Variants in NFIB observed in about 807,000 individuals in gnomAD.
NFIB encodes nuclear factor I B.
A neutral mutation model predicts 61.5 loss-of-function variants in NFIB; 11 were observed. That is an observed-to-expected ratio of 0.18 (90% CI 0.11 to 0.30). NFIB has a LOEUF of 0.30. Ranked by LOEUF, NFIB falls within the 10% of genes least tolerant of loss-of-function variation. The pLI is 1.00. For synonymous variants in NFIB, 260 were observed against 216.5 expected, an observed-to-expected ratio of 1.20 and a Z score of -1.76; for missense variants, 471 against 608.9, an observed-to-expected ratio of 0.77 and a Z score of 2.38.
At chr9:14,221,343 A>G (rs1208625230) in intron 2 of NFIB, among the ~76,000 whole-genome samples, 1 of 152,262 alleles carries the variant, frequency 6.6e-6, no homozygotes, top group Non-Finnish European at 1.5e-5. Context: ...CACAGAAATC[A>G]TAAGAACTCT....
chr9:14,220,724 GA>G (rs2131827647), intron 2 of NFIB, among the ~76,000 whole-genome samples: 1 of 151,888 alleles, frequency 6.6e-6, no homozygotes, highest in South Asian at 2.1e-4. Flanking sequence ...TTCCCATTCA[GA>G]AAACCCCCTT....
chr9:14,173,134 A>C (rs937768109), intron 3 of NFIB, among the ~76,000 whole-genome samples: 7 of 152,200 alleles, frequency 4.6e-5, no homozygotes, highest in African/African-American at 1.7e-4. Context: ...AAGTAGAATG[A>C]AAAAACCCCT....
the NFIB span, among the ~76,000 whole-genome samples, chr9:14,473,709 C>T: frequency 2.0e-5 from 3 of 152,218 alleles, no homozygotes; most frequent in Non-Finnish European, 4.4e-5. Flanking sequence ...GCATTTGCGA[C>T]ACCTGAACTC....
At chr9:14,263,653 C>A (rs559000980) in intron 2 of NFIB, among the ~76,000 whole-genome samples, 11 of 152,274 alleles carry the variant, frequency 7.2e-5, no homozygotes, top group Admixed American at 4.6e-4. Context: ...ACCTTTACTA[C>A]TCAAAATCAC....
the NFIB span, among the ~76,000 whole-genome samples, chr9:14,457,964 C>T: frequency 4.6e-5 from 7 of 152,208 alleles, no homozygotes; most frequent in Non-Finnish European, 1.0e-4. Context: ...ACCATTCCTT[C>T]TGAAACTATT....
At chr9:14,107,044 T>C (rs1161395199) in intron 10 of NFIB, among the ~76,000 whole-genome samples, 1 of 152,106 alleles carries the variant, frequency 6.6e-6, no homozygotes, top group Non-Finnish European at 1.5e-5. Flanking sequence ...TGTTTTCTTG[T>C]GTTTCTTCAT....
chr9:14,231,240 T>C (rs181137870), intron 2 of NFIB, among the ~76,000 whole-genome samples: 73 of 148,364 alleles, frequency 4.9e-4, no homozygotes, highest in African/African-American at 1.6e-3. Context: ...GAGAAAGCCC[T>C]GAAAAGAAAA....
chr9:14,346,131 G>GT (rs1345092391), intron 1 of NFIB, among the ~76,000 whole-genome samples: 30 of 152,040 alleles, frequency 2.0e-4, no homozygotes, highest in African/African-American at 6.5e-4. Flanking sequence ...CCGCGGGCGC[G>GT]GGGGGCGCGT....
At chr9:14,370,640 T>C (rs1347925298) in intron 1 of NFIB, among the ~76,000 whole-genome samples, 1 of 152,214 alleles carries the variant, frequency 6.6e-6, no homozygotes, top group East Asian at 1.9e-4. Flanking sequence ...CAGATTCATC[T>C]CAGGATCACA....
At chr9:14,398,050 T>C (rs906086818) in intron 1 of NFIB, among the ~76,000 whole-genome samples, 2 of 152,156 alleles carry the variant, frequency 1.3e-5, no homozygotes, top group Admixed American at 6.5e-5. Context: ...CCCATACTAT[T>C]GAGTTATATT....
chr9:14,261,887 C>T (rs947259216), intron 2 of NFIB, among the ~76,000 whole-genome samples: 3 of 152,186 alleles, frequency 2.0e-5, no homozygotes, highest in Non-Finnish European at 2.9e-5. Context: ...TTGGTGCATC[C>T]GAACTTGAGG....
chr9:14,154,223 G>A (rs2043148928), intron 4 of NFIB, among the ~76,000 whole-genome samples: 1 of 151,960 alleles, frequency 6.6e-6, no homozygotes, highest in Non-Finnish European at 1.5e-5. Context: ...CCTATCATGA[G>A]GTACTAAATA....
intron 2 of NFIB, among the ~76,000 whole-genome samples, chr9:14,300,752 C>T (rs2059706693): frequency 1.3e-5 from 2 of 152,044 alleles, no homozygotes; most frequent in African/African-American, 4.8e-5. Context: ...CCGTTGGGTC[C>T]CTCTCTCTTC....
At chr9:14,158,256 C>T (rs2043696584) in intron 3 of NFIB, among the ~76,000 whole-genome samples, 1 of 152,166 alleles carries the variant, frequency 6.6e-6, no homozygotes, top group South Asian at 2.1e-4. Flanking sequence ...TATCTTCCTC[C>T]TGCAGCTCCC....
intron 2 of NFIB, among the ~76,000 whole-genome samples, chr9:14,233,154 C>T (rs1012817249): frequency 1.3e-5 from 2 of 152,340 alleles, no homozygotes; most frequent in African/African-American, 4.8e-5. Context: ...AGATCTCTTA[C>T]AGACATGTAG....
chr9:14,202,302 A>G (rs1394161036), intron 2 of NFIB, among the ~76,000 whole-genome samples: 3 of 152,250 alleles, frequency 2.0e-5, no homozygotes, highest in Non-Finnish European at 4.4e-5. Context: ...ATGATGGCAC[A>G]ACAGCTATTG....
chr9:14,427,944 T>TTTTTG, the NFIB span, among the ~76,000 whole-genome samples: 38 of 83,176 alleles, frequency 4.6e-4, 1 homozygote, highest in African/African-American at 2.0e-3. Context: ...GTTGTTTTTT[T>TTTTTG]TTTTTTTTTT....
At chr9:14,514,960 C>T in the NFIB span, among the ~76,000 whole-genome samples, 5 of 152,016 alleles carry the variant, frequency 3.3e-5, no homozygotes, top group East Asian at 1.9e-4. Flanking sequence ...CTTAAAGTAC[C>T]CAACAGAAAC....
chr9:14,420,369 C>A, the NFIB span, among the ~76,000 whole-genome samples: 3 of 135,990 alleles, frequency 2.2e-5, no homozygotes, highest in Admixed American at 9.2e-5. Flanking sequence ...TCACTTGAAC[C>A]CGGGAGGTGG....
Sources: allele counts gnomAD v4.1 joint callset (sites outside exome capture counted in the v4.1 genomes callset), GRCh38; gene constraint gnomAD v4.1.1; transcripts MANE v1.5; gene names NCBI Gene and HGNC (gene_info 2026-07-23, HGNC 2026-07-21).